IFT80: variants seen among roughly 807,000 people sequenced by gnomAD.
IFT80 encodes the protein intraflagellar transport protein 80 homolog.
A neutral mutation model predicts 107.9 loss-of-function variants in IFT80; 79 were observed. The ratio of observed to expected loss-of-function variants is 0.73; its 90% CI spans 0.61 to 0.88. IFT80 has a LOEUF of 0.88. Among genes scored for constraint, IFT80 ranks in the 40% least tolerant of loss-of-function variants. The pLI is 0.00. For missense variants in IFT80, 797 were observed against 914.2 expected, an observed-to-expected ratio of 0.87 and a Z score of 1.65; for synonymous variants, 299 against 300.9, an observed-to-expected ratio of 0.99 and a Z score of 0.07.
At chr3:160,343,779 T>C in intron 8 of IFT80, 1 of 355,818 alleles carries the variant, frequency 2.8e-6, no homozygotes, top group Non-Finnish European at 5.6e-6. Flanking sequence ...TATGTTACTT[T>C]TGCTTGTTTA....
chr3:160,296,569 TAAA>T (rs750618761), intron 12 of IFT80, among the ~76,000 whole-genome samples: 3 of 136,856 alleles, frequency 2.2e-5, no homozygotes, highest in Non-Finnish European at 3.2e-5. Context: ...TCATCCTCAC[TAAA>T]AAAAAAAAAA....
At chr3:160,261,012 C>T (rs1469577355) in intron 19 of IFT80, among the ~76,000 whole-genome samples, 1 of 152,206 alleles carries the variant, frequency 6.6e-6, no homozygotes, top group African/African-American at 2.4e-5. Context: ...AACCTCTTAA[C>T]ATATGTCTCT....
In IFT80 at chr3:160,279,258, T is replaced by C. The variant is rs142518115; in HGVS notation, c.1771A>G (p.Ile591Val). The C allele has an allele frequency of 8.5e-5, 137 of 1,613,344 alleles. No homozygotes were observed. The African/African-American group carries it at 1.6e-3, about 19-fold the overall frequency. ...VHISITPYPA[I>V]LHEYVSSSKW... ...GAACTGCTTACATATTCATGGAGAATAGCAGGATATGGTGTTATGCTGATG... is the reference window on the plus strand; with the variant it reads ...GAACTGCTTACATATTCATGGAGAACAGCAGGATATGGTGTTATGCTGATG... The change falls in exon 16 of 20, where the codon ATT becomes GTT. Residue 591 changes from isoleucine (I) to valine (V), a missense_variant. Ile to Val is a conservative substitution (Grantham distance 29). Transcript: ENST00000326448.
chr3:160,300,996 C>G lies in IFT80; in HGVS notation c.1202G>C (p.Gly401Ala). The change falls in exon 12 of 20, where the codon GGG (glycine) becomes GCG (alanine). Residue 401 changes from glycine (G) to alanine (A), a missense_variant. By Grantham distance (60) the Gly-to-Ala change is moderately conservative. Transcript: ENST00000326448. ...AAATTTTGGAGATGAAATAAAGCGC[C>G]CTTCATATGAATATAAATAGATACT... ...GSSIYLYSYE[G>A]RFISSPKFPG... 6.2e-7 allele frequency: 1 copy of G among 1,601,496 alleles called. No homozygotes were observed. The highest frequency in any genetic ancestry group is 1.3e-5 in the African/African-American group (1 of 74,586).
At chr3:160,377,578 T>G (rs1347525265) in intron 3 of IFT80, 38 bp from the exon 4 acceptor site, 2 of 1,280,662 alleles carry the variant, frequency 1.6e-6, no homozygotes, top group Non-Finnish European at 2.3e-6. Context: ...ATTTTATTTA[T>G]TCAATCAACA....
rs1025190631 is a variant in IFT80, at chr3:160,299,118, ATCTGG to A, written c.1315+1760_1315+1764del. 1.4e-5 allele frequency: 14 copies of A among 988,712 alleles called. No homozygotes were observed. The African/African-American group carries it at 2.4e-4, about 17-fold the overall frequency. The allele number at this position is 988,712 out of a possible 1,614,324, so 61.2% of individuals were successfully genotyped here. A position where few individuals can be genotyped will look rare whatever the true frequency, so the allele number is the denominator to read the frequency against. ...AATCTTAAGTTTATTGAAAACAAAA[ATCTGG>A]CTTCCAAATTACTATTATTTTCACA... On this transcript the variant is annotated intron_variant, in intron 12 of 19. Transcript: ENST00000326448.
intron 9 of IFT80, among the ~76,000 whole-genome samples, chr3:160,311,786 G>A (rs1363654678): frequency 6.6e-6 from 1 of 152,040 alleles, no homozygotes; most frequent in Non-Finnish European, 1.5e-5. Flanking sequence ...TTTTTTGTTT[G>A]TCTGTTTTGA....
chr3:160,391,679 A>C (rs1361023979), intron 1 of IFT80: 1 of 152,198 alleles, frequency 6.6e-6, no homozygotes, highest in Non-Finnish European at 1.5e-5. Flanking sequence ...TCAAAAAAAA[A>C]GTTATATAAA....
At chr3:160,262,648 T>C (rs1282437210) in intron 19 of IFT80, among the ~76,000 whole-genome samples, 1 of 152,168 alleles carries the variant, frequency 6.6e-6, no homozygotes, top group African/African-American at 2.4e-5. Context: ...TTTTGGTAGA[T>C]TGCTCTGGAG....
intron 19 of IFT80, among the ~76,000 whole-genome samples, chr3:160,264,453 C>T (rs1322945825): frequency 6.8e-6 from 1 of 147,662 alleles, no homozygotes; most frequent in Non-Finnish European, 1.5e-5. Flanking sequence ...GATGGAGTCT[C>T]ATTCTGTGGC....
chr3:160,388,260 G>GA (rs537654385), intron 1 of IFT80, among the ~76,000 whole-genome samples: 1 of 146,670 alleles, frequency 6.8e-6, no homozygotes, highest in South Asian at 2.2e-4. Context: ...AGCATTTAAT[G>GA]AAAAAATCAC....
chr3:160,287,599 G>A (rs1256784121), intron 12 of IFT80, among the ~76,000 whole-genome samples: 1 of 152,214 alleles, frequency 6.6e-6, no homozygotes, highest in Admixed American at 6.5e-5. Context: ...TGAAACACCA[G>A]CTATGCTGCA....
rs892029563 is a variant in IFT80 at position 160,309,783 on chromosome 3, T to TA, written c.958-2003dup. On this transcript the variant is annotated intron_variant, in intron 9 of 19. Coordinates refer to ENST00000326448, the MANE Select transcript of IFT80 (RefSeq NM_020800.3). ...GAAGATATATGGATTTGCTCACATT[T>TA]AAAAAAAAAACAAGAAATCTTAAAC... is the stretch of plus-strand genomic sequence containing the variant. 7.9e-3 allele frequency among the ~76,000 whole-genome samples: 1,171 copies of TA among 148,312 alleles called. 12 individuals carry two copies. Among genetic ancestry groups the TA allele is most frequent in the African/African-American group, 0.025 (1,010 of 40,454 alleles).
chr3:160,383,816 T>A (rs1483177232), intron 2 of IFT80: 1 of 985,418 alleles, frequency 1.0e-6, no homozygotes, highest in Non-Finnish European at 1.2e-6. Flanking sequence ...CACCTTCCCA[T>A]GTGAAATAAT....
intron 1 of IFT80, chr3:160,394,037 T>G (rs769932269): frequency 6.6e-6 from 1 of 152,180 alleles, no homozygotes; most frequent in African/African-American, 2.4e-5. Flanking sequence ...TCTTCTCCAA[T>G]AGAGAAAGAA....
At chr3:160,386,415 T>C (rs1712937135) in intron 1 of IFT80, among the ~76,000 whole-genome samples, 1 of 152,160 alleles carries the variant, frequency 6.6e-6, no homozygotes, top group Admixed American at 6.5e-5. Flanking sequence ...GACTAACCAG[T>C]GGTATTGGGG....
intron 8 of IFT80, among the ~76,000 whole-genome samples, chr3:160,340,830 G>T (rs1041258956): frequency 6.6e-6 from 1 of 152,256 alleles, no homozygotes; most frequent in Non-Finnish European, 1.5e-5. Context: ...GCCATATTAG[G>T]TAACACATTC....
rs557858596 is a variant in IFT80 at position 160,263,042 on chromosome 3, G to A, written c.2224-4407C>T. ...GATACCTCCTTCTGGACACCTGATAGACACTCTAATCACATACAAAATGGT... is the reference window on the plus strand; with the variant it reads ...GATACCTCCTTCTGGACACCTGATAAACACTCTAATCACATACAAAATGGT... On this transcript the variant is annotated intron_variant, in intron 19 of 19. Transcript: ENST00000326448. 1.8e-3 allele frequency among the ~76,000 whole-genome samples: 274 copies of A among 152,154 alleles called. 1 individual carries two copies. Among genetic ancestry groups the A allele is most frequent in the Admixed American group, 4.1e-3 (62 of 15,282 alleles).
chr3:160,378,725 A>G (rs1327702867), intron 3 of IFT80, among the ~76,000 whole-genome samples: 2 of 152,032 alleles, frequency 1.3e-5, no homozygotes, highest in Non-Finnish European at 2.9e-5. Flanking sequence ...TCAAAATTTA[A>G]AAATGATAAT....
Sources: allele counts gnomAD v4.1 joint callset (sites outside exome capture counted in the v4.1 genomes callset), GRCh38; gene constraint gnomAD v4.1.1; transcripts MANE v1.5; gene names NCBI Gene and HGNC (gene_info 2026-07-23, HGNC 2026-07-21).